The following DLGAP2 variants were observed in gnomAD, a reference collection of about 807,000 sequenced individuals.
DLGAP2 encodes DLG associated protein 2, also known as disks large-associated protein 2.
In DLGAP2, 26 loss-of-function variants were observed where a neutral mutation model predicts 100.3. That is an observed-to-expected ratio of 0.26 (90% confidence interval 0.19 to 0.36). The LOEUF is 0.36. DLGAP2 is among the 10% of genes least tolerant of loss of function. DLGAP2 has a pLI of 1.00. For synonymous variants in DLGAP2, 886 were observed against 630.1 expected, an observed-to-expected ratio of 1.41 and a Z score of -6.08; for missense variants, 1,858 against 1,453.2, an observed-to-expected ratio of 1.28 and a Z score of -4.53.
intron 2 of DLGAP2, among the ~76,000 whole-genome samples, chr8:1,254,315 A>G (rs911541972): frequency 2.6e-5 from 4 of 152,154 alleles, no homozygotes; most frequent in African/African-American, 7.2e-5. Flanking sequence ...TGATGGGTCC[A>G]TCAAGGCCTC....
intron 2 of DLGAP2, among the ~76,000 whole-genome samples, chr8:1,147,788 A>T (rs1339782087): frequency 6.6e-6 from 1 of 152,116 alleles, no homozygotes; most frequent in Non-Finnish European, 1.5e-5. Context: ...TTCCCAATAC[A>T]GTGGTATAGT....
chr8:1,352,064 C>A (rs6988553), intron 3 of DLGAP2, among the ~76,000 whole-genome samples: 58 of 6,808 alleles, frequency 8.5e-3, no homozygotes, highest in South Asian at 0.048. Flanking sequence ...GTGTGTGGAA[C>A]GGCCGTGCGG....
At chr8:975,466 A>G (rs1284606015) in intron 2 of DLGAP2, among the ~76,000 whole-genome samples, 1 of 152,200 alleles carries the variant, frequency 6.6e-6, no homozygotes, top group East Asian at 1.9e-4. Flanking sequence ...GCAGACCAGT[A>G]TTTCTCATAA....
chr8:1,039,608 G>A (rs1378843962), intron 2 of DLGAP2, among the ~76,000 whole-genome samples: 21 of 54,854 alleles, frequency 3.8e-4, no homozygotes, highest in African/African-American at 1.4e-3. Flanking sequence ...CTTGGTGTGC[G>A]TGGTCAGCTC....
intron 2 of DLGAP2, among the ~76,000 whole-genome samples, chr8:1,253,279 G>C (rs945833490): frequency 6.6e-6 from 1 of 152,184 alleles, no homozygotes. Flanking sequence ...TCCTGTGTGT[G>C]CCCTTTCTTC....
intron 6 of DLGAP2, among the ~76,000 whole-genome samples, chr8:1,583,286 G>C (rs906312239): frequency 1.3e-5 from 2 of 152,184 alleles, no homozygotes; most frequent in African/African-American, 4.8e-5. Context: ...GAGTAACCAA[G>C]AGAACACCAG....
intron 2 of DLGAP2, among the ~76,000 whole-genome samples, chr8:1,143,590 C>T (rs753234996): frequency 2.0e-5 from 3 of 152,192 alleles, no homozygotes; most frequent in Non-Finnish European, 2.9e-5. Flanking sequence ...GCTCTCCAGG[C>T]TGCCTGGGAG....
At chr8:1,151,774 C>A (rs80204892) in intron 2 of DLGAP2, among the ~76,000 whole-genome samples, 1 of 152,184 alleles carries the variant, frequency 6.6e-6, no homozygotes, top group Non-Finnish European at 1.5e-5. Flanking sequence ...TTAGGTTGTT[C>A]TGTTTACACG....
At chr8:1,328,875 T>G (rs973819272) in intron 3 of DLGAP2, among the ~76,000 whole-genome samples, 14 of 152,176 alleles carry the variant, frequency 9.2e-5, no homozygotes, top group African/African-American at 3.4e-4. Context: ...GGTGGTTTGC[T>G]GAGAAATGTG....
At chr8:1,445,222 A>C (rs1797952026) in intron 3 of DLGAP2, among the ~76,000 whole-genome samples, 1 of 135,376 alleles carries the variant, frequency 7.4e-6, no homozygotes. Context: ...ATATCTCCTA[A>C]TGCTATCCCT....
intron 1 of DLGAP2, chr8:821,966 C>G (rs1796591540): frequency 2.5e-6 from 1 of 394,550 alleles, no homozygotes; most frequent in Non-Finnish European, 4.5e-6. Flanking sequence ...TGCCATATTG[C>G]TCTTTTCAGC....
At chr8:1,597,659 G>A (rs1023182212) in intron 6 of DLGAP2, among the ~76,000 whole-genome samples, 1 of 152,034 alleles carries the variant, frequency 6.6e-6, no homozygotes, top group Non-Finnish European at 1.5e-5. Context: ...TCATGATTTG[G>A]CTCTCTGTTT....
chr8:1,217,505 C>G (rs1028383339), intron 2 of DLGAP2, among the ~76,000 whole-genome samples: 5 of 152,114 alleles, frequency 3.3e-5, no homozygotes, highest in Non-Finnish European at 5.9e-5. Context: ...AATGGTAGTT[C>G]TAGTTTTAGT....
At chr8:975,847 T>G (rs1800148352) in intron 2 of DLGAP2, among the ~76,000 whole-genome samples, 1 of 152,170 alleles carries the variant, frequency 6.6e-6, no homozygotes, top group African/African-American at 2.4e-5. Flanking sequence ...GTTGGAAGTT[T>G]GAGCAAATGC....
At chr8:832,568 T>A (rs1796802422) in intron 1 of DLGAP2, among the ~76,000 whole-genome samples, 1 of 152,224 alleles carries the variant, frequency 6.6e-6, no homozygotes, top group African/African-American at 2.4e-5. Context: ...ACTATTAAAG[T>A]TTTCTAATGT....
At chr8:1,697,337 C>G in intron 14 of DLGAP2, 38 bp downstream of exon 14, 1 of 1,551,492 alleles carries the variant, frequency 6.4e-7, no homozygotes. Flanking sequence ...CCAGCAAACC[C>G]CCTTTCTCAC....
intron 3 of DLGAP2, among the ~76,000 whole-genome samples, chr8:1,453,439 A>T (rs147220214): frequency 1.3e-5 from 2 of 152,328 alleles, no homozygotes; most frequent in African/African-American, 4.8e-5. Flanking sequence ...GGGTCGACCT[A>T]ATTATTCCAT....
At chr8:1,258,366 G>C (rs1214471927) in intron 2 of DLGAP2, among the ~76,000 whole-genome samples, 1 of 147,374 alleles carries the variant, frequency 6.8e-6, no homozygotes, top group East Asian at 2.2e-4. Context: ...GATCTCATTC[G>C]TAAGTGGGAG....
intron 2 of DLGAP2, among the ~76,000 whole-genome samples, chr8:1,238,031 G>A (rs184641281): frequency 0.41 from 3,999 of 9,680 alleles, 1,882 homozygotes; most frequent in Middle Eastern, 1. Flanking sequence ...ACATGGCGCC[G>A]TGTCTAGTTC....
Sources: allele counts gnomAD v4.1 joint callset (sites outside exome capture counted in the v4.1 genomes callset), GRCh38; gene constraint gnomAD v4.1.1; transcripts MANE v1.5; gene names NCBI Gene and HGNC (gene_info 2026-07-23, HGNC 2026-07-21).